The following TAF1C variants were observed in gnomAD, a reference collection of about 807,000 sequenced individuals.
The protein encoded by TAF1C is TATA-box binding protein associated factor, RNA polymerase I subunit C.
In TAF1C, 79 loss-of-function variants were observed where a neutral mutation model predicts 70.5. The ratio of observed to expected loss-of-function variants is 1.12; its 90% CI spans 0.93 to 1.35. The LOEUF (loss-of-function observed/expected upper bound fraction) is 1.35. Ranked by LOEUF, TAF1C falls within the 40% of genes most tolerant of loss-of-function variation. The probability of loss-of-function intolerance (pLI) is 0.00; values close to 1 mark genes in which losing one functional copy is unlikely to be tolerated. For missense variants in TAF1C, 1,412 were observed against 1,127.8 expected, an observed-to-expected ratio of 1.25 and a Z score of -3.61; for synonymous variants, 614 against 491.1, an observed-to-expected ratio of 1.25 and a Z score of -3.31.
chr16:84,181,828 C>CG lies in TAF1C; in HGVS notation c.873dup (p.Val292ArgfsTer6). On this transcript the variant is annotated frameshift_variant, in exon 9 of 15. Transcript: ENST00000566732. LOFTEE classifies it high-confidence loss of function. Reference sequence around the variant, plus strand: ...TGCCACTGTTTACCAAACTTCCACACGGCACAGTGGTAGTCAGAGCGGACG... The same window carrying CG: ...TGCCACTGTTTACCAAACTTCCACACGGGCACAGTGGTAGTCAGAGCGGACG... 1 of 1,614,152 alleles carries CG rather than the reference C, an allele frequency of 6.2e-7. No individual in the cohort carries two copies. The highest frequency in any genetic ancestry group is 8.5e-7 in the Non-Finnish European group (1 of 1,180,028).
At position 84,179,132 on chromosome 16, in the gene TAF1C, C is replaced by G. The variant is rs148942327; in HGVS notation, c.2341G>C (p.Val781Leu). Residue 781 changes from valine to leucine, a missense_variant, in exon 15 of 15, where the codon GTC becomes CTC. Physicochemically the swap from Val to Leu is conservative, Grantham distance 32. Coordinates refer to ENST00000566732, the MANE Select transcript of TAF1C (RefSeq NM_001243156.2). ...AGCATCTGCCGCTGCTCTGATGGGACGCCCTGGGCGCATGCATCCGGAGTC... is the reference window on the plus strand; with the variant it reads ...AGCATCTGCCGCTGCTCTGATGGGAGGCCCTGGGCGCATGCATCCGGAGTC... ...ELTPDACAQG[V>L]PSEQRQMLRD... 64 of 1,608,186 alleles carry G rather than the reference C, an allele frequency of 4.0e-5. No homozygotes were observed. In the South Asian group the frequency reaches 6.7e-4, roughly 17 times the overall value.
Position 84,178,511 on chromosome 16 carries a change from C to A in TAF1C, c.*430G>T. On this transcript the variant is annotated 3_prime_UTR_variant, in exon 15 of 15. Coordinates refer to ENST00000566732, the MANE Select transcript of TAF1C (RefSeq NM_001243156.2). ...CAGCTGCCAACGGCCGCTGTGCCCA[C>A]CTCATCAGCAGCTCTGCAGGGGCCT... 2 of 461,870 alleles carry A rather than the reference C, an allele frequency of 4.3e-6. No homozygotes were observed. The highest frequency in any genetic ancestry group is 6.8e-5 in the East Asian group (1 of 14,766). 28.6% of individuals were successfully genotyped at this position (461,870 alleles called of 1,614,324 possible). A position where few individuals can be genotyped will look rare whatever the true frequency, so the allele number is the denominator to read the frequency against.
Position 84,183,259 on chromosome 16 carries a change from C to G in TAF1C, c.393G>C (p.Lys131Asn), listed in dbSNP as rs1270994245. 2 of 1,614,034 alleles carry G rather than the reference C, an allele frequency of 1.2e-6. No homozygotes were observed. The highest frequency in any genetic ancestry group is 1.7e-6 in the Non-Finnish European group (2 of 1,180,038). The change falls in exon 5 of 15, where the codon AAG becomes AAC. Residue 131 changes from lysine (K) to asparagine (N), a missense_variant. Lys to Asn is a moderately conservative substitution (Grantham distance 94). Coordinates refer to ENST00000566732, the MANE Select transcript of TAF1C (RefSeq NM_001243156.2). ...GGCCACTCACCCCCGCTCCCTCCAG[C>G]TTGAAATTCTCCAGCATCAGCTTCC... ...PLGKLMLENFKLEGAGSRTKK... is the reference protein window; with the variant it reads ...PLGKLMLENFNLEGAGSRTKK...
At chr16:84,180,675 C>T (rs1302075889) in intron 12 of TAF1C, 7 of 766,390 alleles carry the variant, frequency 9.1e-6, no homozygotes, top group Non-Finnish European at 1.3e-5. Context: ...GTGCTCGAGG[C>T]ACGCCTACGA....
rs142910791 is a variant in TAF1C at position 84,179,695 on chromosome 16, G to A, written c.1778C>T (p.Pro593Leu). The stretch of plus-strand genomic sequence containing the variant: ...GGAAGCTGTGGGGGCATGGCAGTCA[G>A]GTTGGGTGTCGCCAGGAGGCCCAGC... ...RDAGPPGDTQPDCHAPTASWT... is the reference protein window; with the variant it reads ...RDAGPPGDTQLDCHAPTASWT... The change falls in exon 15 of 15, where the codon CCT becomes CTT. Residue 593 changes from proline (P) to leucine (L), a missense_variant. Physicochemically the swap from Pro to Leu is moderately conservative, Grantham distance 98. Coordinates refer to ENST00000566732, the MANE Select transcript of TAF1C (RefSeq NM_001243156.2). 2.8e-4 allele frequency: 447 copies of A among 1,612,590 alleles called. No individual in the cohort carries two copies. Among genetic ancestry groups the A allele is most frequent in the Non-Finnish European group, 3.5e-4 (408 of 1,179,932 alleles).
chr16:84,183,882 C>T, intron 2 of TAF1C, 104 bp from the exon 3 acceptor site: 1 of 830,976 alleles, frequency 1.2e-6, no homozygotes, highest in African/African-American at 1.7e-5. Flanking sequence ...ATCCTCACAA[C>T]AATCCTGCGA....
At chr16:84,181,907 C>T (rs1296779988) in intron 8 of TAF1C, 35 bp downstream of exon 8, 7 of 1,614,106 alleles carry the variant, frequency 4.3e-6, no homozygotes, top group East Asian at 2.2e-5. Context: ...AGCAGGTCAG[C>T]CAGTGAGGGA....
chr16:84,181,519 A>G, intron 10 of TAF1C, 56 bp from the exon 11 acceptor site: 1 of 1,613,642 alleles, frequency 6.2e-7, no homozygotes, highest in Non-Finnish European at 8.5e-7. Flanking sequence ...GAAGGGGCTC[A>G]AGGGTCGCGA....
rs561823631 is a variant in TAF1C at position 84,184,716 on chromosome 16, G to A, written c.138+135C>T. 1.1e-5 allele frequency: 13 copies of A among 1,142,338 alleles called. No homozygotes were observed. The East Asian group carries it at 2.6e-4, about 23-fold the overall frequency. 70.8% of individuals were successfully genotyped at this position (1,142,338 alleles called of 1,614,324 possible). On this transcript the variant is annotated intron_variant, in intron 2 of 14. Coordinates refer to ENST00000566732, the MANE Select transcript of TAF1C (RefSeq NM_001243156.2). Reference sequence around the variant, plus strand: ...GTAGCCCATGTACCCCAGAGGAGGTGGCAGAGCCTGTGTCTCAGCAGACTC... The same window carrying A: ...GTAGCCCATGTACCCCAGAGGAGGTAGCAGAGCCTGTGTCTCAGCAGACTC...
In TAF1C at chr16:84,181,574, C is replaced by T. The variant is rs1257704430; in HGVS notation, c.1028+18G>A. ...TTCAGTTCGTTAGGGTGGGGGGTTT[C>T]ACAGGAAGCGGCGATACCCATCCTC... is the stretch of plus-strand genomic sequence containing the variant. On this transcript the variant is annotated intron_variant, in intron 10 of 14. Transcript: ENST00000566732. 6.2e-7 allele frequency: 1 copy of T among 1,613,938 alleles called. No homozygotes were observed.
At chr16:84,183,871 A>C (rs2089342557) in intron 2 of TAF1C, 93 bp from the exon 3 acceptor site, 1 of 929,012 alleles carries the variant, frequency 1.1e-6, no homozygotes, top group East Asian at 2.6e-5. Flanking sequence ...CAACTCATCC[A>C]ATCCTCACAA....
Position 84,179,620 on chromosome 16 carries a change from A to T in TAF1C, c.1853T>A (p.Leu618Gln), listed in dbSNP as rs747517990. 6.2e-7 allele frequency: 1 copy of T among 1,612,654 alleles called. No individual in the cohort carries two copies. Among genetic ancestry groups the T allele is most frequent in the African/African-American group, 1.3e-5 (1 of 75,016 alleles). Residue 618 changes from leucine to glutamine, a missense_variant, in exon 15 of 15, where the codon CTA becomes CAA. Transcript: ENST00000566732. ...CACAGGAGGAGCCAGGGGCACTTTT[A>T]GCAGGGCCTTCAGCCACTGGCTGCA... ...AGCSQWLKAL[L>Q]KVPLAPPVWT... is the part of the protein sequence containing the mutation.
At chr16:84,185,345 G>A (rs4150125) in intron 1 of TAF1C, 5,691 of 175,544 alleles carry the variant, frequency 0.032, 140 homozygotes, top group East Asian at 0.057. Flanking sequence ...GTCAACAACT[G>A]TGAAAATCCT....
intron 11 of TAF1C, 50 bp from the exon 12 acceptor site, chr16:84,181,236 C>G (rs1432827345): frequency 6.3e-7 from 1 of 1,593,896 alleles, no homozygotes; most frequent in Non-Finnish European, 8.6e-7. Context: ...AGGCCGGTGA[C>G]GCTGTCCTCG....
Position 84,179,697 on chromosome 16 carries a change from T to C in TAF1C, c.1776A>G (p.Gln592=), listed in dbSNP as rs774142084. The C allele has an allele frequency of 5.0e-6, 8 of 1,611,782 alleles. No individual in the cohort carries two copies. The highest frequency in any genetic ancestry group is 1.7e-4 in the Middle Eastern group (1 of 5,978). The part of the protein sequence containing the change: ...RRDAGPPGDT[Q]PDCHAPTASW... ...AAGCTGTGGGGGCATGGCAGTCAGG[T>C]TGGGTGTCGCCAGGAGGCCCAGCAT... Residue 592 remains glutamine (Q), a synonymous_variant, in exon 15 of 15, where the codon CAA becomes CAG. Transcript: ENST00000566732.
intron 2 of TAF1C, among the ~76,000 whole-genome samples, chr16:84,184,046 G>C (rs1177038517): frequency 6.6e-6 from 1 of 152,206 alleles, no homozygotes; most frequent in African/African-American, 2.4e-5. Context: ...ACCTGTGCTG[G>C]CTCTCAAAGA....
rs771855968 is a variant in TAF1C at position 84,181,985 on chromosome 16, C to G, written c.795G>C (p.Gln265His). 1 of 1,613,818 alleles carries G rather than the reference C, an allele frequency of 6.2e-7. No individual in the cohort carries two copies. The highest frequency in any genetic ancestry group is 8.5e-7 in the Non-Finnish European group (1 of 1,180,028). The change falls in exon 8 of 15, where the codon CAG becomes CAC. Residue 265 changes from glutamine (Q) to histidine (H), a missense_variant. Gln to His is a conservative substitution (Grantham distance 24). Coordinates refer to ENST00000566732, the MANE Select transcript of TAF1C (RefSeq NM_001243156.2). ...ATGTCACCACTTGCCGGACAGGTCCCTGGAGCTGGATGCGTCCAGGTTTCC... is the reference window on the plus strand; with the variant it reads ...ATGTCACCACTTGCCGGACAGGTCCGTGGAGCTGGATGCGTCCAGGTTTCC... ...FLGKPGRIQL[Q>H]GPVRQVVTCT... is the part of the protein sequence containing the mutation.
rs779607733 is a variant in TAF1C, at chr16:84,180,099, C to G, written c.1484-16G>C. 6.3e-7 allele frequency: 1 copy of G among 1,585,200 alleles called. No individual in the cohort carries two copies. The highest frequency in any genetic ancestry group is 1.4e-5 in the African/African-American group (1 of 74,032). ...GCCCCTTCTCCTGAGGAAGGACAGA[C>G]AGCTGAGGCCCTGTCCAGGCCCCGA... On this transcript the variant is annotated splice_polypyrimidine_tract_variant and intron_variant, in intron 13 of 14. Coordinates refer to ENST00000566732, the MANE Select transcript of TAF1C (RefSeq NM_001243156.2).
At chr16:84,180,799 C>A (rs936708595) in intron 12 of TAF1C, 22 of 1,364,398 alleles carry the variant, frequency 1.6e-5, no homozygotes, top group Admixed American at 3.2e-5. Flanking sequence ...CCCCTCCTCC[C>A]CTGCTCCACC....
Sources: gnomAD v4.1 joint callset for allele counts (sites outside exome capture counted in the v4.1 genomes callset) on GRCh38, gnomAD v4.1.1 for gene constraint, MANE v1.5 for transcripts, NCBI Gene and HGNC (gene_info 2026-07-23, HGNC 2026-07-21) for gene names.